HPSE2: variants seen among roughly 807,000 people sequenced by gnomAD.
HPSE2 encodes the protein heparanase 2 (inactive).
HPSE2 carries 38 observed loss-of-function variants against 60.5 expected under a neutral mutation model. The ratio of observed to expected loss-of-function variants is 0.63; its 90% confidence interval spans 0.48 to 0.82. The LOEUF (loss-of-function observed/expected upper bound fraction) is 0.82, where lower values mean the gene tolerates loss of function less well. Among genes scored for constraint, HPSE2 ranks in the 40% least tolerant of loss-of-function variants. The pLI is 0.00. For missense variants in HPSE2, 713 were observed against 740.4 expected, an observed-to-expected ratio of 0.96 and a Z score of 0.43; for synonymous variants, 295 against 293.2, an observed-to-expected ratio of 1.01 and a Z score of -0.06.
At chr10:98,836,954 GC>G (rs1464226241) in intron 3 of HPSE2, among the ~76,000 whole-genome samples, 6 of 152,142 alleles carry the variant, frequency 3.9e-5, no homozygotes, top group African/African-American at 1.4e-4. Flanking sequence ...AGGGAGAATT[GC>G]TTGAACTGGG....
At chr10:99,128,084 GA>G (rs1231778708) in intron 3 of HPSE2, among the ~76,000 whole-genome samples, 5 of 151,544 alleles carry the variant, frequency 3.3e-5, no homozygotes, top group African/African-American at 7.3e-5. Context: ...ACACAATGGG[GA>G]AAAAAACACA....
the HPSE2 span, among the ~76,000 whole-genome samples, chr10:99,280,492 T>C: frequency 1.3e-5 from 2 of 152,210 alleles, no homozygotes; most frequent in Non-Finnish European, 1.5e-5. Flanking sequence ...AACTGCCTAA[T>C]GATTACTTCA....
chr10:98,819,857 C>T (rs1300130019), intron 3 of HPSE2, among the ~76,000 whole-genome samples: 1 of 152,016 alleles, frequency 6.6e-6, no homozygotes, highest in Non-Finnish European at 1.5e-5. Context: ...CTAGTACTAG[C>T]CCCTGTAGTA....
At chr10:98,917,915 A>G (rs1954167162) in intron 3 of HPSE2, among the ~76,000 whole-genome samples, 1 of 152,210 alleles carries the variant, frequency 6.6e-6, no homozygotes. Flanking sequence ...TTCTACAGAT[A>G]CAACACAGTA....
intron 2 of HPSE2, among the ~76,000 whole-genome samples, chr10:99,172,866 ACT>A (rs1301958306): frequency 1.3e-5 from 2 of 150,860 alleles, no homozygotes; most frequent in South Asian, 2.1e-4. Flanking sequence ...CAAGAGTGAA[ACT>A]CTGTCTCAAA....
intron 3 of HPSE2, among the ~76,000 whole-genome samples, chr10:98,771,508 T>C (rs901151757): frequency 2.6e-5 from 4 of 152,070 alleles, no homozygotes; most frequent in African/African-American, 9.7e-5. Flanking sequence ...TCCCACCTCC[T>C]CTCCTGGATA....
chr10:98,743,039 C>T (rs995109833), intron 4 of HPSE2, among the ~76,000 whole-genome samples: 5 of 131,300 alleles, frequency 3.8e-5, no homozygotes, highest in Non-Finnish European at 6.1e-5. Flanking sequence ...GTGGCATGAT[C>T]TCAGCTCACT....
chr10:99,251,040 A>G, the HPSE2 span, among the ~76,000 whole-genome samples: 1 of 152,190 alleles, frequency 6.6e-6, no homozygotes, highest in Admixed American at 6.5e-5. Context: ...AAAAATCCAG[A>G]CAAAGAATCA....
At chr10:98,640,249 A>AGGC (rs1946603875) in intron 7 of HPSE2, among the ~76,000 whole-genome samples, 1 of 152,218 alleles carries the variant, frequency 6.6e-6, no homozygotes, top group East Asian at 1.9e-4. Context: ...GTACTTGCTA[A>AGGC]ATGCTCAGTG....
rs1291486603 is a variant in HPSE2, at chr10:98,806,702, G to C, written c.611-62646C>G. Among the ~76,000 whole-genome samples the C allele has an allele frequency of 4.6e-5, 7 of 152,174 alleles. No homozygotes were observed. In the East Asian group the frequency reaches 5.8e-4, roughly 13 times the overall value. ...GGATATAATACTTTTTAAGTAACTA[G>C]ACTGTTATGTGAATGTTGTGTAACA... On this transcript the variant is annotated intron_variant, in intron 3 of 11. Transcript: ENST00000370552.
At chr10:98,649,392 G>C (rs1946857717) in intron 6 of HPSE2, among the ~76,000 whole-genome samples, 1 of 152,094 alleles carries the variant, frequency 6.6e-6, no homozygotes, top group Non-Finnish European at 1.5e-5. Flanking sequence ...AGAAACTACA[G>C]CTCACACGGT....
At chr10:98,892,291 C>T (rs1459544862) in intron 3 of HPSE2, among the ~76,000 whole-genome samples, 7 of 152,186 alleles carry the variant, frequency 4.6e-5, no homozygotes, top group Admixed American at 2.6e-4. Context: ...TTGCATTATC[C>T]GAATCTTCAG....
chr10:99,199,498 AT>A (rs1361717913), intron 2 of HPSE2, among the ~76,000 whole-genome samples: 1 of 152,026 alleles, frequency 6.6e-6, no homozygotes, highest in African/African-American at 2.4e-5. Context: ...TTGCATGTGG[AT>A]ATCCCGTTTT....
chr10:99,042,478 T>C (rs993065558), intron 3 of HPSE2, among the ~76,000 whole-genome samples: 7 of 151,416 alleles, frequency 4.6e-5, no homozygotes, highest in Middle Eastern at 3.4e-3. Flanking sequence ...CTGCCCCCAA[T>C]ATAAGGGGGA....
intron 3 of HPSE2, among the ~76,000 whole-genome samples, chr10:98,998,047 A>G (rs1294808382): frequency 6.6e-6 from 1 of 152,252 alleles, no homozygotes; most frequent in Non-Finnish European, 1.5e-5. Flanking sequence ...AAATGCTCCC[A>G]CTAGCCATGC....
rs941037168 is a variant in HPSE2 at position 98,665,326 on chromosome 10, G to C, written c.1005-23386C>G. 2.6e-5 allele frequency among the ~76,000 whole-genome samples: 4 copies of C among 152,148 alleles called. No homozygotes were observed. The East Asian group carries it at 7.7e-4, about 29-fold the overall frequency. On this transcript the variant is annotated intron_variant, in intron 6 of 11. Coordinates refer to ENST00000370552, the MANE Select transcript of HPSE2 (RefSeq NM_021828.5). Reference sequence around the variant, plus strand: ...CTATGACTCACTGACATTCCAGAGAGAGAAGATAAGAGAGTAAGCAACTTG... The same window carrying C: ...CTATGACTCACTGACATTCCAGAGACAGAAGATAAGAGAGTAAGCAACTTG...
chr10:98,468,218 T>C (rs1287549524), intron 11 of HPSE2, among the ~76,000 whole-genome samples: 1 of 152,194 alleles, frequency 6.6e-6, no homozygotes, highest in African/African-American at 2.4e-5. Flanking sequence ...CTGGGGCAGC[T>C]TGAACAGGAA....
At chr10:98,465,532 T>C (rs7919093) in intron 11 of HPSE2, among the ~76,000 whole-genome samples, 13,790 of 152,224 alleles carry the variant, frequency 0.091, 1,871 homozygotes, top group African/African-American at 0.29. Flanking sequence ...AACTTTACTA[T>C]GGGGACAAGG....
At chr10:99,249,287 T>G in the HPSE2 span, among the ~76,000 whole-genome samples, 1 of 152,306 alleles carries the variant, frequency 6.6e-6, no homozygotes, top group African/African-American at 2.4e-5. Context: ...GCAGTGGAGC[T>G]CCTCAAGGCC....
Sources: gnomAD v4.1 joint callset for allele counts (sites outside exome capture counted in the v4.1 genomes callset) on GRCh38, gnomAD v4.1.1 for gene constraint, MANE v1.5 for transcripts, NCBI Gene and HGNC (gene_info 2026-07-23, HGNC 2026-07-21) for gene names.